EI24: variants seen among roughly 807,000 people sequenced by gnomAD.
EI24 encodes the protein etoposide-induced protein 2.4 homolog.
In EI24, 21 loss-of-function variants were observed where a neutral mutation model predicts 48.6. The ratio of observed to expected loss-of-function variants is 0.43; its 90% CI spans 0.31 to 0.62. EI24 has a LOEUF of 0.62. Among genes scored for constraint, EI24 ranks in the 20% least tolerant of loss-of-function variants. The pLI, the probability that EI24 is intolerant of heterozygous loss-of-function variation, is 0.10. For missense variants in EI24, 280 were observed against 410.5 expected (o/e 0.68, Z 2.75); for synonymous variants, 114 against 145.5 (o/e 0.78, Z 1.56).
At chr11:125,581,362 T>C (rs1000411184) in intron 9 of EI24, 40 bp downstream of exon 9, 8 of 1,375,680 alleles carry the variant, frequency 5.8e-6, no homozygotes, top group Non-Finnish European at 7.2e-6. Flanking sequence ...CTAGTAAAAA[T>C]AAAAATTCAT....
In EI24 at chr11:125,577,493, C is replaced by G; in HGVS notation, c.250-11C>G. ...GATTTTGATGTTTGCCTTGTTGCTT[C>G]TTTTCTTTAGTTCAGTCTCCTCTTG... On this transcript the variant is annotated splice_polypyrimidine_tract_variant and intron_variant, in intron 4 of 10. Transcript: ENST00000278903. The G allele has an allele frequency of 6.2e-7, 1 of 1,609,054 alleles. No individual in the cohort carries two copies. Among genetic ancestry groups the G allele is most frequent in the Non-Finnish European group, 8.5e-7 (1 of 1,178,416 alleles).
intron 4 of EI24, among the ~76,000 whole-genome samples, chr11:125,576,750 T>C (rs1288685436): frequency 2.0e-5 from 3 of 152,254 alleles, no homozygotes; most frequent in Admixed American, 6.5e-5. Context: ...GCCTACCATT[T>C]ACTGAGAATC....
intron 8 of EI24, 95 bp from the exon 9 acceptor site, chr11:125,581,116 C>A: frequency 3.0e-6 from 1 of 334,808 alleles, no homozygotes. Context: ...ATAATAAAAT[C>A]TGTACCTAAA....
In EI24 at chr11:125,582,344, A is replaced by G; in HGVS notation, c.786-2A>G. ...TTATTTCTTTTTTTTTTTTTTAAACAGTGGCTGCCTTTTCTCTATCCTCTT... is the reference window on the plus strand; with the variant it reads ...TTATTTCTTTTTTTTTTTTTTAAACGGTGGCTGCCTTTTCTCTATCCTCTT... On this transcript the variant is annotated splice_acceptor_variant, in intron 9 of 10. Transcript: ENST00000278903. LOFTEE classifies it high-confidence loss of function. The G allele has an allele frequency of 6.5e-7, 1 of 1,549,820 alleles. No individual in the cohort carries two copies. The highest frequency in any genetic ancestry group is 8.7e-7 in the Non-Finnish European group (1 of 1,152,890).
chr11:125,579,879 G>A (rs1043251082), intron 7 of EI24, among the ~76,000 whole-genome samples: 1 of 151,998 alleles, frequency 6.6e-6, no homozygotes, highest in African/African-American at 2.4e-5. Context: ...GCCCAGTCTG[G>A]TCTTTAACTC....
At chr11:125,580,586 A>G (rs1173811897) in intron 8 of EI24, among the ~76,000 whole-genome samples, 1 of 151,680 alleles carries the variant, frequency 6.6e-6, no homozygotes, top group Non-Finnish European at 1.5e-5. Context: ...AGGTTAACTG[A>G]TACTTACAGG....
chr11:125,577,250 C>T (rs984114097), intron 4 of EI24, among the ~76,000 whole-genome samples: 1 of 152,172 alleles, frequency 6.6e-6, no homozygotes, highest in Non-Finnish European at 1.5e-5. Context: ...CACCACCACA[C>T]CCGACCAATT....
chr11:125,576,602 G>A (rs1938757143), intron 4 of EI24, among the ~76,000 whole-genome samples: 1 of 152,172 alleles, frequency 6.6e-6, no homozygotes, highest in Non-Finnish European at 1.5e-5. Context: ...ACACTGTCTA[G>A]ACATTTTAAA....
chr11:125,570,363 G>A (rs907090065), intron 1 of EI24: 1 of 152,222 alleles, frequency 6.6e-6, no homozygotes, highest in Non-Finnish European at 1.5e-5. Context: ...TTCAGTCTGT[G>A]TGTGTGTTCT....
chr11:125,577,486 G>GT lies in EI24; in HGVS notation c.250-16dup, dbSNP rs759962819. The GT allele has an allele frequency of 4.4e-6, 7 of 1,607,764 alleles. No homozygotes were observed. The highest frequency in any genetic ancestry group is 1.7e-5 in the Admixed American group (1 of 58,546). On this transcript the variant is annotated splice_polypyrimidine_tract_variant and intron_variant, in intron 4 of 10. Transcript: ENST00000278903. The stretch of plus-strand genomic sequence containing the variant: ...AAGACTGGATTTTGATGTTTGCCTT[G>GT]TTGCTTCTTTTCTTTAGTTCAGTCT...
intron 10 of EI24, 138 bp from the exon 11 acceptor site, chr11:125,583,382 TA>T: frequency 1.4e-6 from 1 of 723,744 alleles, no homozygotes. Flanking sequence ...TCCATGTATC[TA>T]ATATCTGTAT....
intron 10 of EI24, among the ~76,000 whole-genome samples, chr11:125,582,884 TAAGAGG>T (rs1019511490): frequency 3.3e-5 from 5 of 152,232 alleles, no homozygotes; most frequent in African/African-American, 1.2e-4. Context: ...CTGTTTATCT[TAAGAGG>T]AATATTTGAC....
chr11:125,576,123 G>C, intron 3 of EI24, 132 bp from the exon 4 acceptor site: 1 of 872,370 alleles, frequency 1.1e-6, no homozygotes, highest in Non-Finnish European at 1.8e-6. Context: ...ACTGACATTA[G>C]AACATTGGGA....
At chr11:125,572,271 A>G (rs185692259) in intron 1 of EI24, among the ~76,000 whole-genome samples, 187 bp from the exon 2 acceptor site, 3 of 152,102 alleles carry the variant, frequency 2.0e-5, no homozygotes, top group African/African-American at 2.4e-5. Flanking sequence ...AGTGTTTTAG[A>G]AAAAAAATAG....
chr11:125,576,168 C>A, intron 3 of EI24, 87 bp from the exon 4 acceptor site: 1 of 1,289,708 alleles, frequency 7.8e-7, no homozygotes, highest in Non-Finnish European at 1.1e-6. Flanking sequence ...ACAGTACCCA[C>A]AAAAGATAAG....
intron 6 of EI24, among the ~76,000 whole-genome samples, chr11:125,578,504 T>G (rs1413444821): frequency 1.5e-5 from 2 of 137,726 alleles, no homozygotes; most frequent in African/African-American, 5.5e-5. Context: ...TTTTTTTTTT[T>G]GAGACAGTCT....
At chr11:125,573,892 G>T (rs1250188374) in intron 2 of EI24, among the ~76,000 whole-genome samples, 1 of 151,726 alleles carries the variant, frequency 6.6e-6, no homozygotes, top group Non-Finnish European at 1.5e-5. Flanking sequence ...ATGTTGGCCA[G>T]GCTGGTCTTG....
At chr11:125,571,652 G>A (rs1938536619) in intron 1 of EI24, among the ~76,000 whole-genome samples, 1 of 152,198 alleles carries the variant, frequency 6.6e-6, no homozygotes, top group East Asian at 1.9e-4. Context: ...TGAGATGGAT[G>A]GATCACCTGA....
intron 5 of EI24, 158 bp from the exon 6 acceptor site, chr11:125,577,975 A>G: frequency 1.2e-6 from 1 of 803,730 alleles, no homozygotes; most frequent in Non-Finnish European, 1.9e-6. Flanking sequence ...TGGTGCGTCT[A>G]TTATGAGTTA....
Sources: gnomAD v4.1 joint callset for allele counts (sites outside exome capture counted in the v4.1 genomes callset) on GRCh38, gnomAD v4.1.1 for gene constraint, MANE v1.5 for transcripts, NCBI Gene and HGNC (gene_info 2026-07-23, HGNC 2026-07-21) for gene names.